Variants in NRXN2 observed in about 807,000 individuals in gnomAD.
NRXN2 encodes the protein neurexin-2-beta.
NRXN2 carries 29 observed loss-of-function variants against 128.8 expected under a neutral mutation model. That is an observed-to-expected ratio of 0.23 (90% CI 0.17 to 0.31). The LOEUF is 0.31. NRXN2 is among the 10% of genes least tolerant of loss of function. The probability of loss-of-function intolerance (pLI) is 1.00; values close to 1 mark genes in which losing one functional copy is unlikely to be tolerated. For synonymous variants in NRXN2, 1,098 were observed against 1,075.2 expected, an observed-to-expected ratio of 1.02 and a Z score of -0.41; for missense variants, 1,881 against 2,452.6, an observed-to-expected ratio of 0.77 and a Z score of 4.92.
Position 64,622,668 on chromosome 11 carries a change from T to C in NRXN2, c.4173+85A>G, listed in dbSNP as rs1362925502. On this transcript the variant is annotated intron_variant, in intron 21 of 22. Transcript: ENST00000265459. The surrounding 1 kb of genome is among the most constrained non-coding windows in gnomAD (Gnocchi z 4.3). The stretch of plus-strand genomic sequence containing the variant: ...CAACAGACCCCTTGGACCCTCACTC[T>C]AGGCACCACTACTGTGGCTATGCAG... 3 of 1,528,924 alleles carry C rather than the reference T, an allele frequency of 2.0e-6. No individual in the cohort carries two copies. Among genetic ancestry groups the C allele is most frequent in the Non-Finnish European group, 2.6e-6 (3 of 1,133,476 alleles). The allele number at this position is 1,528,924 out of a possible 1,614,324, so 94.7% of individuals were successfully genotyped here. A position where few individuals can be genotyped will look rare whatever the true frequency, so the allele number is the denominator to read the frequency against.
chr11:64,607,308 T>C lies in NRXN2; in HGVS notation c.5027A>G (p.Tyr1676Cys). ...ATTGCTCTGGGCCGAGTTACTGATG[T>C]AGTTTCGGCTCTGGTCCACCTGGTA... ...GSYQVDQSRNYISNSAQSNGA... is the reference protein window; with the variant it reads ...GSYQVDQSRNCISNSAQSNGA... Residue 1676 changes from tyrosine (Y) to cysteine (C), a missense_variant, in exon 23 of 23, where the codon TAC becomes TGC. Physicochemically the swap from Tyr to Cys is radical, Grantham distance 194 (BLOSUM62 -2). Coordinates refer to ENST00000265459, the MANE Select transcript of NRXN2 (RefSeq NM_015080.4). The C allele has an allele frequency of 6.2e-7, 1 of 1,613,970 alleles. No homozygotes were observed. The highest frequency in any genetic ancestry group is 1.7e-5 in the Admixed American group (1 of 60,024).
At chr11:64,668,657 C>A in intron 7 of NRXN2, 53 bp from the exon 8 acceptor site, 1 of 1,605,158 alleles carries the variant, frequency 6.2e-7, no homozygotes. Context: ...ACATCAAATC[C>A]CTAGGAAGAG....
At chr11:64,627,744 G>A (rs758902978) in intron 19 of NRXN2, among the ~76,000 whole-genome samples, 2 of 152,184 alleles carry the variant, frequency 1.3e-5, no homozygotes, top group African/African-American at 2.4e-5. Flanking sequence ...GGTGATCCTG[G>A]TCTGCAGCAG....
chr11:64,693,169 G>A (rs749074550), intron 3 of NRXN2, among the ~76,000 whole-genome samples: 3 of 145,366 alleles, frequency 2.1e-5, no homozygotes, highest in Admixed American at 6.9e-5. Flanking sequence ...AGGGGTACAG[G>A]CAGAACTGGA....
chr11:64,621,146 C>T (rs1003486047), intron 21 of NRXN2, among the ~76,000 whole-genome samples: 1 of 152,154 alleles, frequency 6.6e-6, no homozygotes, highest in African/African-American at 2.4e-5. Context: ...CTCTTCCCAG[C>T]CCATGATCTT....
intron 3 of NRXN2, among the ~76,000 whole-genome samples, chr11:64,695,727 C>T (rs545730776): frequency 9.2e-5 from 14 of 151,948 alleles, no homozygotes; most frequent in South Asian, 8.3e-4. Context: ...TATACACACA[C>T]GCGCACACAC....
chr11:64,650,406 T>A, intron 15 of NRXN2, 42 bp downstream of exon 15: 1 of 1,608,346 alleles, frequency 6.2e-7, no homozygotes, highest in African/African-American at 1.3e-5. Flanking sequence ...GTGAGGGGTA[T>A]CTGGGCTAGG....
chr11:64,709,070 T>C (rs2135660546), intron 2 of NRXN2, among the ~76,000 whole-genome samples: 1 of 151,388 alleles, frequency 6.6e-6, no homozygotes, highest in Middle Eastern at 3.4e-3. Flanking sequence ...CGGGCGCCTG[T>C]AATCCCAGCT....
rs71579869 is a variant in NRXN2 at position 64,607,898 on chromosome 11, G to A, written c.4437C>T (p.Ala1479=). 66 of 1,568,530 alleles carry A rather than the reference G, an allele frequency of 4.2e-5. 1 individual carries two copies. The Middle Eastern group carries it at 8.7e-4, about 21-fold the overall frequency. Residue 1479 remains alanine, a synonymous_variant, in exon 23 of 23, where the codon GCC becomes GCT. Coordinates refer to ENST00000265459, the MANE Select transcript of NRXN2 (RefSeq NM_015080.4). The stretch of plus-strand genomic sequence containing the variant: ...CCTCGCAGTCGCTGTCGTCCCGCTC[G>A]GCCTGGCACGGGCCCCCAGAGGGCG... The part of the protein sequence containing the change: ...RRPPSGGPCQ[A]ERDDSDCEEP...
intron 9 of NRXN2, among the ~76,000 whole-genome samples, chr11:64,663,807 A>G (rs2049391060): frequency 6.6e-6 from 1 of 152,248 alleles, no homozygotes; most frequent in Non-Finnish European, 1.5e-5. Flanking sequence ...CCACCAACAG[A>G]TAGATGGATA....
intron 11 of NRXN2, among the ~76,000 whole-genome samples, chr11:64,657,212 G>A (rs2048397148): frequency 6.6e-6 from 1 of 152,222 alleles, no homozygotes; most frequent in African/African-American, 2.4e-5. Context: ...AAGTCCTGGG[G>A]AGCAAGCAAT....
At chr11:64,647,114 T>C (rs570116560) in intron 17 of NRXN2, among the ~76,000 whole-genome samples, 1 of 152,094 alleles carries the variant, frequency 6.6e-6, no homozygotes, top group Admixed American at 6.5e-5. Flanking sequence ...AGGCACTGAC[T>C]GGAGTCTCAC....
chr11:64,688,236 G>C, intron 5 of NRXN2: 1 of 953,762 alleles, frequency 1.0e-6, no homozygotes, highest in African/African-American at 1.8e-5. Context: ...TCCTGGGGTG[G>C]GTGGCAAAGC....
chr11:64,647,399 C>T lies in NRXN2; in HGVS notation c.3403+820G>A, dbSNP rs1452831567. 1.3e-5 allele frequency among the ~76,000 whole-genome samples: 2 copies of T among 152,050 alleles called. 1 individual carries two copies. The highest frequency in any genetic ancestry group is 2.9e-5 in the Non-Finnish European group (2 of 68,010). ...CATCCAAGGGAAATGCCAAAGCTACCCCACAGAGTAGAAGGTTGCCTCCCC... is the reference window on the plus strand; with the variant it reads ...CATCCAAGGGAAATGCCAAAGCTACTCCACAGAGTAGAAGGTTGCCTCCCC... On this transcript the variant is annotated intron_variant, in intron 17 of 22. Transcript: ENST00000265459.
Position 64,651,521 on chromosome 11 carries a change from C to A in NRXN2, c.2652G>T (p.Gly884=). The A allele has an allele frequency of 6.2e-7, 1 of 1,614,186 alleles. No homozygotes were observed. Among genetic ancestry groups the A allele is most frequent in the Non-Finnish European group, 8.5e-7 (1 of 1,180,028 alleles). Residue 884 remains glycine (G), a synonymous_variant, in exon 14 of 23, where the codon GGG becomes GGT. Coordinates refer to ENST00000265459, the MANE Select transcript of NRXN2 (RefSeq NM_015080.4). This position sits in a 1 kb window ranked among gnomAD's most constrained non-coding sequence, Gnocchi z 5.9. ...TGTAGGGCTGGCCATTGAACACGAGCCCACTCAGATGCCCGATGAAGTTGG... is the reference window on the plus strand; with the variant it reads ...TGTAGGGCTGGCCATTGAACACGAGACCACTCAGATGCCCGATGAAGTTGG... ...VPSNFIGHLS[G]LVFNGQPYMD... is the part of the protein sequence containing the mutation.
Position 64,660,225 on chromosome 11 carries a change from G to A in NRXN2, c.2389+107C>T. 7.7e-7 allele frequency: 1 copy of A among 1,291,202 alleles called. No individual in the cohort carries two copies. The highest frequency in any genetic ancestry group is 1.7e-5 in the Admixed American group (1 of 58,996). The allele number at this position is 1,291,202 out of a possible 1,614,324, so 80.0% of individuals were successfully genotyped here. On this transcript the variant is annotated intron_variant, in intron 11 of 22. Coordinates refer to ENST00000265459, the MANE Select transcript of NRXN2 (RefSeq NM_015080.4). The surrounding 1 kb of genome is among the most constrained non-coding windows in gnomAD (Gnocchi z 5.2). ...CGCCTCCCCACCTCCAAACTCTGCT[G>A]AGGGCACCTCTTGCTGGTGCCACCA...
At chr11:64,618,961 G>A (rs878968970) in intron 22 of NRXN2, among the ~76,000 whole-genome samples, 2 of 152,110 alleles carry the variant, frequency 1.3e-5, no homozygotes, top group African/African-American at 2.4e-5. Context: ...TTTTGAAGCT[G>A]AGCCTCTGCC....
rs1325436340 is a variant in NRXN2, at chr11:64,622,780, G to A, written c.4146C>T (p.Ser1382=). 3 of 1,611,204 alleles carry A rather than the reference G, an allele frequency of 1.9e-6. No individual in the cohort carries two copies. Among genetic ancestry groups the A allele is most frequent in the East Asian group, 2.2e-5 (1 of 44,846 alleles). The change falls in exon 21 of 23, where the codon TCC becomes TCT. Residue 1382 remains serine (S), a synonymous_variant. Coordinates refer to ENST00000265459, the MANE Select transcript of NRXN2 (RefSeq NM_015080.4). This position sits in a 1 kb window ranked among gnomAD's most constrained non-coding sequence, Gnocchi z 4.3. ...GGGTGGTGCTGTCCCTCAGTGTGGG[G>A]GAGCGGCCCCGGCGCGTGGTGGTAG... ...MATTTTRRGR[S]PTLRDSTTQN... is the part of the protein sequence containing the mutation.
intron 2 of NRXN2, among the ~76,000 whole-genome samples, chr11:64,709,364 A>G (rs925507471): frequency 1.3e-5 from 2 of 152,036 alleles, no homozygotes; most frequent in East Asian, 3.9e-4. Context: ...CCTCACCCCA[A>G]TACCCAACCA....
Sources: gnomAD v4.1 joint callset for allele counts (sites outside exome capture counted in the v4.1 genomes callset) on GRCh38, gnomAD v4.1.1 for gene constraint, Gnocchi (gnomAD v3.1) non-coding constraint, MANE v1.5 for transcripts, NCBI Gene and HGNC (gene_info 2026-07-23, HGNC 2026-07-21) for gene names.